RBMS2: variants seen among roughly 807,000 people sequenced by gnomAD.
RBMS2 encodes RNA binding motif single stranded interacting protein 2, also known as RNA-binding motif, single-stranded-interacting protein 2.
Under a neutral mutation model 58.4 loss-of-function variants are expected in RBMS2, and 38 were observed. The ratio of observed to expected loss-of-function variants is 0.65; its 90% CI spans 0.50 to 0.85. The LOEUF (loss-of-function observed/expected upper bound fraction) is 0.85. Among genes scored for constraint, RBMS2 ranks in the 40% least tolerant of loss-of-function variants. The pLI, the probability that RBMS2 is intolerant of heterozygous loss-of-function variation, is 0.00. For missense variants in RBMS2, 367 were observed against 503.7 expected (o/e 0.73, Z 2.60); for synonymous variants, 151 against 180.7 (o/e 0.84, Z 1.32).
chr12:56,584,131 A>C (rs150449279), intron 9 of RBMS2, among the ~76,000 whole-genome samples: 1 of 152,134 alleles, frequency 6.6e-6, no homozygotes, highest in Non-Finnish European at 1.5e-5. Flanking sequence ...AGTTTTTGCC[A>C]TATAAAAGTT....
chr12:56,546,356 T>G (rs1310952025), intron 1 of RBMS2, among the ~76,000 whole-genome samples: 1 of 137,242 alleles, frequency 7.3e-6, no homozygotes. Flanking sequence ...ATAAATATAA[T>G]GTACAATATA....
intron 2 of RBMS2, among the ~76,000 whole-genome samples, chr12:56,568,279 G>A (rs1881703486): frequency 6.6e-6 from 1 of 152,190 alleles, no homozygotes. Flanking sequence ...AAGAAAATAA[G>A]TAATGGCAAG....
intron 1 of RBMS2, among the ~76,000 whole-genome samples, chr12:56,539,977 G>A (rs1875771381): frequency 1.3e-5 from 2 of 152,050 alleles, no homozygotes; most frequent in Non-Finnish European, 1.5e-5. Context: ...TTCATTCTCC[G>A]AATGGCTAGT....
At chr12:56,577,975 A>T (rs996272749) in intron 5 of RBMS2, among the ~76,000 whole-genome samples, 1 of 152,058 alleles carries the variant, frequency 6.6e-6, no homozygotes, top group African/African-American at 2.4e-5. Flanking sequence ...GGCGTGAGCC[A>T]CTGGACCCGG....
chr12:56,539,397 GATTT>G (rs1875651241), intron 1 of RBMS2, among the ~76,000 whole-genome samples: 1 of 152,148 alleles, frequency 6.6e-6, no homozygotes, highest in Admixed American at 6.6e-5. Context: ...AGAGGGTAAA[GATTT>G]ATTTCTCTTA....
intron 2 of RBMS2, among the ~76,000 whole-genome samples, chr12:56,565,723 C>A (rs768660573): frequency 6.6e-6 from 1 of 152,148 alleles, no homozygotes; most frequent in Non-Finnish European, 1.5e-5. Context: ...GGATGTTTCT[C>A]ATGCGTAGAC....
At chr12:56,580,020 C>A (rs957015383) in intron 5 of RBMS2, among the ~76,000 whole-genome samples, 6 of 152,018 alleles carry the variant, frequency 3.9e-5, no homozygotes, top group Non-Finnish European at 8.8e-5. Context: ...GCCTCTGCTT[C>A]CCAGGTTCAA....
chr12:56,554,821 A>G (rs1241793965), intron 1 of RBMS2, among the ~76,000 whole-genome samples: 2 of 152,152 alleles, frequency 1.3e-5, no homozygotes, highest in Non-Finnish European at 2.9e-5. Flanking sequence ...TTCATGTAGT[A>G]GTATATTTTT....
At chr12:56,538,103 G>T (rs1233519233) in intron 1 of RBMS2, among the ~76,000 whole-genome samples, 1 of 151,814 alleles carries the variant, frequency 6.6e-6, no homozygotes, top group Non-Finnish European at 1.5e-5. Context: ...CATGATCTCG[G>T]CTCATTGCAA....
chr12:56,529,023 A>G (rs992809612), intron 1 of RBMS2, among the ~76,000 whole-genome samples: 5 of 152,168 alleles, frequency 3.3e-5, no homozygotes. Flanking sequence ...CTGCTTTGGA[A>G]AACATCTTGG....
chr12:56,549,430 C>T (rs1877832292), intron 1 of RBMS2, among the ~76,000 whole-genome samples: 1 of 152,138 alleles, frequency 6.6e-6, no homozygotes, highest in Admixed American at 6.6e-5. Context: ...TGCCACCCTC[C>T]TTCTATCATT....
chr12:56,583,079 A>C (rs1884198242), intron 9 of RBMS2, among the ~76,000 whole-genome samples: 1 of 152,168 alleles, frequency 6.6e-6, no homozygotes, highest in Admixed American at 6.5e-5. Context: ...AGAATTCTTT[A>C]GCTATACCCA....
At position 56,595,011 on chromosome 12, in the gene RBMS2, C is replaced by T. The variant is rs1232084645; in HGVS notation, c.*5878C>T. On this transcript the variant is annotated 3_prime_UTR_variant, in exon 14 of 14. Transcript: ENST00000262031. ...TGGGATTTTTAGCTCACTGATCGCCCTAGAATAGTGTGAACTCTCCAGATA... is the reference window on the plus strand; with the variant it reads ...TGGGATTTTTAGCTCACTGATCGCCTTAGAATAGTGTGAACTCTCCAGATA... 2.6e-5 allele frequency: 4 copies of T among 152,184 alleles called. No homozygotes were observed. Among genetic ancestry groups the T allele is most frequent in the African/African-American group, 9.7e-5 (4 of 41,424 alleles). 9.4% of individuals were successfully genotyped at this position (152,184 alleles called of 1,614,324 possible).
chr12:56,541,943 G>A (rs1876164507), intron 1 of RBMS2, among the ~76,000 whole-genome samples: 2 of 152,182 alleles, frequency 1.3e-5, no homozygotes, highest in Admixed American at 6.5e-5. Context: ...ACAATCCAGA[G>A]AGAAGCAAGA....
intron 5 of RBMS2, chr12:56,573,152 C>T: frequency 1.0e-6 from 1 of 984,274 alleles, no homozygotes; most frequent in Non-Finnish European, 1.2e-6. Flanking sequence ...CACCCCCTTA[C>T]TCTGAGTGTT....
chr12:56,589,430 A>C lies in RBMS2; in HGVS notation c.*297A>C. 1.6e-6 allele frequency: 1 copy of C among 619,506 alleles called. No individual in the cohort carries two copies. The highest frequency in any genetic ancestry group is 2.2e-6 in the Non-Finnish European group (1 of 447,340). The allele number at this position is 619,506 out of a possible 1,614,324, so 38.4% of individuals were successfully genotyped here. ...AGAAAGCTTTTTGTTTTTAACTGCA[A>C]CGTACTTTTCCCCTACCTTGAAGAG... On this transcript the variant is annotated 3_prime_UTR_variant, in exon 14 of 14. Transcript: ENST00000262031.
chr12:56,559,376 C>T (rs1476197677), intron 1 of RBMS2, among the ~76,000 whole-genome samples: 4 of 151,240 alleles, frequency 2.6e-5, no homozygotes, highest in Non-Finnish European at 5.9e-5. Flanking sequence ...TTGGTAGAAA[C>T]GGGGTTTCAC....
Position 56,581,470 on chromosome 12 carries a change from G to A in RBMS2, c.694G>A (p.Val232Met). The A allele has an allele frequency of 6.2e-7, 1 of 1,614,228 alleles. No homozygotes were observed. Among genetic ancestry groups the A allele is most frequent in the Non-Finnish European group, 8.5e-7 (1 of 1,180,056 alleles). ...GAAACGACAGAACCAAGGAAAATTTGTGCAAAATGGACGGGCTTGGCCAAG... is the reference window on the plus strand; with the variant it reads ...GAAACGACAGAACCAAGGAAAATTTATGCAAAATGGACGGGCTTGGCCAAG... ...PKKRQNQGKF[V>M]QNGRAWPRNA... The change falls in exon 7 of 14, where the codon GTG becomes ATG. Residue 232 changes from valine (V) to methionine (M), a missense_variant. Physicochemically the swap from Val to Met is conservative, Grantham distance 21 (BLOSUM62 1). This residue lies in a region of RBMS2 where 220 missense variants were observed against 261.1 expected (regional missense o/e 0.84). Coordinates refer to ENST00000262031, the MANE Select transcript of RBMS2 (RefSeq NM_002898.4).
chr12:56,567,580 T>G (rs1003418169), intron 2 of RBMS2, among the ~76,000 whole-genome samples: 1 of 152,174 alleles, frequency 6.6e-6, no homozygotes, highest in Non-Finnish European at 1.5e-5. Context: ...CTCTCAGCTG[T>G]AATCCTAGCA....
Sources: gnomAD v4.1 joint callset for allele counts (sites outside exome capture counted in the v4.1 genomes callset) on GRCh38, gnomAD v4.1.1 for gene constraint, gnomAD v4.1.1 regional missense constraint, MANE v1.5 for transcripts, NCBI Gene and HGNC (gene_info 2026-07-23, HGNC 2026-07-21) for gene names.